The following MAML1 variants were observed in gnomAD, a reference collection of about 807,000 sequenced individuals.
MAML1 encodes mastermind-like protein 1.
A neutral mutation model predicts 77.1 loss-of-function variants in MAML1; 14 were observed. That is an observed-to-expected ratio of 0.18 (90% CI 0.12 to 0.28). MAML1 has a LOEUF of 0.28. Among genes scored for constraint, MAML1 ranks in the 10% least tolerant of loss-of-function variants. The probability of loss-of-function intolerance (pLI) is 1.00; values close to 1 mark genes in which losing one functional copy is unlikely to be tolerated. For synonymous variants in MAML1, 516 were observed against 551.9 expected (o/e 0.93, Z 0.91); for missense variants, 1,217 against 1,327.8 (o/e 0.92, Z 1.30).
rs1292028319 is a variant in MAML1, at chr5:179,774,237, G to T, written c.2411G>T (p.Ser804Ile). The change falls in exon 5 of 5, where the codon AGC becomes ATC. Residue 804 changes from serine (S) to isoleucine (I), a missense_variant. By Grantham distance (142) the Ser-to-Ile change is moderately radical. Around this residue, in one of 3 missense-constraint regions of MAML1, gnomAD observed 884 missense variants for 949.3 expected, o/e 0.93. Transcript: ENST00000292599. ...SAAYGQNSLG[S>I]SGLSQQHNKG... ...GCCTATGGGCAGAACTCTCTGGGAA[G>T]CTCTGGCCTCTCCCAGCAGCACAAT... is the stretch of plus-strand genomic sequence containing the variant. 6.2e-7 allele frequency: 1 copy of T among 1,613,286 alleles called. No homozygotes were observed. The highest frequency in any genetic ancestry group is 1.7e-5 in the Admixed American group (1 of 59,970).
At position 179,769,161 on chromosome 5, in the gene MAML1, A is replaced by G. The variant is rs374070429; in HGVS notation, c.1971+72A>G. The stretch of plus-strand genomic sequence containing the variant: ...CACCCTGCGTCACTGCTACAGTCAC[A>G]CCTTCTGCTTGTGCGTGTGGATTTG... On this transcript the variant is annotated intron_variant, in intron 3 of 4. Transcript: ENST00000292599. The surrounding 1 kb of genome is among the most constrained non-coding windows in gnomAD (Gnocchi z 4.2). The G allele has an allele frequency of 1.7e-5, 27 of 1,581,740 alleles. No individual in the cohort carries two copies. The South Asian group carries it at 1.7e-4, about 10-fold the overall frequency.
intron 1 of MAML1, among the ~76,000 whole-genome samples, chr5:179,747,592 C>A (rs180723106): frequency 6.6e-6 from 1 of 152,060 alleles, no homozygotes; most frequent in Non-Finnish European, 1.5e-5. Flanking sequence ...GGGCGGATCA[C>A]GAGGTCAGGA....
At chr5:179,753,136 T>G (rs1187343080) in intron 1 of MAML1, among the ~76,000 whole-genome samples, 1 of 152,184 alleles carries the variant, frequency 6.6e-6, no homozygotes, top group East Asian at 1.9e-4. Context: ...ACTGTATTTA[T>G]AATTACTGAT....
chr5:179,740,637 A>G (rs1306206753), intron 1 of MAML1, among the ~76,000 whole-genome samples: 2 of 151,892 alleles, frequency 1.3e-5, no homozygotes, highest in Admixed American at 6.6e-5. Flanking sequence ...GTTGGTGTGG[A>G]TAGGAGTGGA....
rs777770774 is a variant in MAML1, at chr5:179,766,078, G to A, written c.1068G>A (p.Ala356=). 1.7e-5 allele frequency: 27 copies of A among 1,583,096 alleles called. No individual in the cohort carries two copies. Among genetic ancestry groups the A allele is most frequent in the South Asian group, 3.5e-5 (3 of 86,168 alleles). ...TLFHTSGQPR[A]DNPSPNLMPA... ...TCCACACCTCTGGTCAGCCCCGGGC[G>A]GACAATCCCAGTCCAAACCTGATGC... Residue 356 remains alanine (A), a synonymous_variant, in exon 2 of 5, where the codon GCG becomes GCA. Transcript: ENST00000292599. The surrounding 1 kb of genome is among the most constrained non-coding windows in gnomAD (Gnocchi z 4.0).
At position 179,774,927 on chromosome 5, in the gene MAML1, C is replaced by A; in HGVS notation, c.*50C>A. 6.6e-7 allele frequency: 1 copy of A among 1,525,816 alleles called. No homozygotes were observed. Among genetic ancestry groups the A allele is most frequent in the Non-Finnish European group, 8.8e-7 (1 of 1,139,276 alleles). 94.5% of individuals were successfully genotyped at this position (1,525,816 alleles called of 1,614,324 possible). A position where few individuals can be genotyped will look rare whatever the true frequency, so the allele number is the denominator to read the frequency against. On this transcript the variant is annotated 3_prime_UTR_variant, in exon 5 of 5. Transcript: ENST00000292599. The stretch of plus-strand genomic sequence containing the variant: ...TGTTCATTCATCCTATATTTTTATT[C>A]TCAGATTCAAAGAAAGAGCAACTAC...
rs905321493 is a variant in MAML1, at chr5:179,775,417, C to G, written c.*540C>G. The G allele has an allele frequency of 3.8e-4, 376 of 985,200 alleles. No individual in the cohort carries two copies. Among genetic ancestry groups the G allele is most frequent in the Non-Finnish European group, 4.3e-4 (360 of 829,902 alleles). 61.0% of individuals were successfully genotyped at this position (985,200 alleles called of 1,614,324 possible). On this transcript the variant is annotated 3_prime_UTR_variant, in exon 5 of 5. Transcript: ENST00000292599. ...AGTGGCATTGGAAACCTAGGGTTTCCTTTTGATTAAGAGCCTTTTTTGTTT... is the reference window on the plus strand; with the variant it reads ...AGTGGCATTGGAAACCTAGGGTTTCGTTTTGATTAAGAGCCTTTTTTGTTT...
At chr5:179,764,051 A>G (rs1196318588) in intron 1 of MAML1, among the ~76,000 whole-genome samples, 1 of 152,086 alleles carries the variant, frequency 6.6e-6, no homozygotes, top group Non-Finnish European at 1.5e-5. Flanking sequence ...GAAGCAGTAG[A>G]AGGAGTCCGT....
chr5:179,741,628 G>T lies in MAML1; in HGVS notation c.315+8201G>T, dbSNP rs565423074. On this transcript the variant is annotated intron_variant, in intron 1 of 4. Transcript: ENST00000292599. ...TTGAACCCAGGAGGTCGAGGTTGTCGTGAGCTGAGATTGTGACATCGTACT... is the reference window on the plus strand; with the variant it reads ...TTGAACCCAGGAGGTCGAGGTTGTCTTGAGCTGAGATTGTGACATCGTACT... Among the ~76,000 whole-genome samples, 10 of 150,096 alleles carry T rather than the reference G, an allele frequency of 6.7e-5. No homozygotes were observed. In the East Asian group the frequency reaches 2.0e-3, roughly 30 times the overall value.
At chr5:179,753,648 A>AT (rs1463291620) in intron 1 of MAML1, among the ~76,000 whole-genome samples, 8 of 38,306 alleles carry the variant, frequency 2.1e-4, no homozygotes, top group Admixed American at 3.7e-4. Flanking sequence ...TTTTATTATT[A>AT]TTATTATTTT....
At position 179,766,627 on chromosome 5, in the gene MAML1, G is replaced by T; in HGVS notation, c.1617G>T (p.Leu539=). The T allele has an allele frequency of 6.2e-7, 1 of 1,612,974 alleles. No individual in the cohort carries two copies. Among genetic ancestry groups the T allele is most frequent in the Non-Finnish European group, 8.5e-7 (1 of 1,179,254 alleles). ...SPGSGQSKPA[L]MAYLPQQLSH... is the part of the protein sequence containing the mutation. ...GGTCTGGCCAGAGCAAGCCAGCCCT[G>T]ATGGCTTATCTTCCCCAGCAGCTGT... Residue 539 remains leucine (L), a synonymous_variant, in exon 2 of 5, where the codon CTG becomes CTT. Transcript: ENST00000292599. This position sits in a 1 kb window ranked among gnomAD's most constrained non-coding sequence, Gnocchi z 4.0.
intron 2 of MAML1, 120 bp from the exon 3 acceptor site, chr5:179,768,730 C>T (rs1343352318): frequency 8.6e-6 from 11 of 1,285,424 alleles, no homozygotes; most frequent in Admixed American, 6.2e-5. Context: ...GGTTGTTATT[C>T]GAGGTCAGAA....
chr5:179,733,372 C>T lies in MAML1; in HGVS notation c.260C>T (p.Ala87Val). Residue 87 changes from alanine (A) to valine (V), a missense_variant, in exon 1 of 5, where the codon GCC becomes GTC. Transcript: ENST00000292599. The stretch of plus-strand genomic sequence containing the variant: ...GCCGCCACGGCCCCGGCGCCCGCCG[C>T]CCCGGCCCCGCGCCTGGACGCCGCT... ...PPAATAPAPA[A>V]PAPRLDAADG... 3 of 1,213,058 alleles carry T rather than the reference C, an allele frequency of 2.5e-6. No individual in the cohort carries two copies. Among genetic ancestry groups the T allele is most frequent in the Non-Finnish European group, 2.0e-6 (2 of 980,644 alleles). 75.1% of individuals were successfully genotyped at this position (1,213,058 alleles called of 1,614,324 possible). A position where few individuals can be genotyped will look rare whatever the true frequency, so the allele number is the denominator to read the frequency against.
At chr5:179,762,805 C>A (rs1035403437) in intron 1 of MAML1, among the ~76,000 whole-genome samples, 1 of 152,230 alleles carries the variant, frequency 6.6e-6, no homozygotes, top group African/African-American at 2.4e-5. Context: ...GCTTAAAAAT[C>A]TGCCGGGGCC....
In MAML1 at chr5:179,775,919, G is replaced by C; in HGVS notation, c.*1042G>C. ...AAGGGAACCTTAGCATAAAGGTTTT[G>C]GGGAAGGAGGCCGTAGGCCGGCCCG... On this transcript the variant is annotated 3_prime_UTR_variant, in exon 5 of 5. Transcript: ENST00000292599. 3.0e-6 allele frequency: 3 copies of C among 985,674 alleles called. No individual in the cohort carries two copies. Among genetic ancestry groups the C allele is most frequent in the Non-Finnish European group, 3.6e-6 (3 of 829,928 alleles). The allele number at this position is 985,674 out of a possible 1,614,324, so 61.1% of individuals were successfully genotyped here. A position where few individuals can be genotyped will look rare whatever the true frequency, so the allele number is the denominator to read the frequency against.
intron 1 of MAML1, among the ~76,000 whole-genome samples, chr5:179,760,942 A>G (rs903032662): frequency 1.3e-5 from 2 of 151,940 alleles, no homozygotes; most frequent in African/African-American, 4.8e-5. Flanking sequence ...ATACAAAAAC[A>G]AAGTTAGCCG....
At position 179,752,350 on chromosome 5, in the gene MAML1, A is replaced by AAAAAT. The variant is rs1554150144; in HGVS notation, c.316-12975_316-12974insAAATA. Among the ~76,000 whole-genome samples, 34 of 66,712 alleles carry AAAAAT rather than the reference A, an allele frequency of 5.1e-4. 1 individual carries two copies. The highest frequency in any genetic ancestry group is 6.8e-4 in the Non-Finnish European group (26 of 38,426). The allele number at this position is 66,712 out of a possible 152,430, so 43.8% of individuals were successfully genotyped here. A position where few individuals can be genotyped will look rare whatever the true frequency, so the allele number is the denominator to read the frequency against. On this transcript the variant is annotated intron_variant, in intron 1 of 4. Transcript: ENST00000292599. ...CAAAAAAAAAAAAAAAAAAAAAAAAAATATATATATATATATGGTTAAATA... is the reference window on the plus strand; with the variant it reads ...CAAAAAAAAAAAAAAAAAAAAAAAAAAAAATATATATATATATATATGGTTAAATA...
intron 1 of MAML1, among the ~76,000 whole-genome samples, chr5:179,739,205 G>C (rs56010662): frequency 6.6e-6 from 1 of 152,090 alleles, no homozygotes; most frequent in Non-Finnish European, 1.5e-5. Flanking sequence ...AAAAATAACA[G>C]TACAACAATT....
intron 1 of MAML1, among the ~76,000 whole-genome samples, chr5:179,740,220 A>C (rs1417797348): frequency 6.6e-6 from 1 of 152,142 alleles, no homozygotes; most frequent in African/African-American, 2.4e-5. Context: ...GCAGCGTGGC[A>C]CCTAGGACCA....
Sources: allele counts gnomAD v4.1 joint callset (sites outside exome capture counted in the v4.1 genomes callset), GRCh38; gene constraint gnomAD v4.1.1; regional missense constraint gnomAD v4.1.1; non-coding constraint Gnocchi (gnomAD v3.1); transcripts MANE v1.5; gene names NCBI Gene and HGNC (gene_info 2026-07-23, HGNC 2026-07-21).